GABRG3: variants seen among roughly 807,000 people sequenced by gnomAD.
GABRG3 encodes the protein gamma-aminobutyric acid receptor subunit gamma-3.
A neutral mutation model predicts 48.8 loss-of-function variants in GABRG3; 25 were observed. That is an observed-to-expected ratio of 0.51 (90% CI 0.37 to 0.72). GABRG3 has a LOEUF of 0.72. Ranked by LOEUF, GABRG3 falls within the 30% of genes least tolerant of loss-of-function variation. The pLI is 0.00. For synonymous variants in GABRG3, 227 were observed against 217.6 expected, an observed-to-expected ratio of 1.04 and a Z score of -0.38; for missense variants, 394 against 577.9, an observed-to-expected ratio of 0.68 and a Z score of 3.26.
At chr15:27,436,864 C>T (rs537679064) in intron 5 of GABRG3, among the ~76,000 whole-genome samples, 11 of 152,088 alleles carry the variant, frequency 7.2e-5, no homozygotes, top group Admixed American at 2.6e-4. Context: ...GGCTTGGTGG[C>T]GTACACCTGT....
At chr15:27,532,509 A>T in intron 9 of GABRG3, 91 bp from the exon 10 acceptor site, 2 of 1,231,910 alleles carry the variant, frequency 1.6e-6, no homozygotes, top group East Asian at 2.5e-5. Flanking sequence ...TCTATAGGAG[A>T]CAGATGTAAT....
In GABRG3 at chr15:27,276,780, T is replaced by C. The variant is rs914875151; in HGVS notation, c.271-50029T>C. On this transcript the variant is annotated intron_variant, in intron 3 of 9. Coordinates refer to ENST00000615808, the MANE Select transcript of GABRG3 (RefSeq NM_033223.5). The stretch of plus-strand genomic sequence containing the variant: ...ATGCATTAAAGGGTAAGGAAAACAT[T>C]TGGACAAAGCAAAGTCGAAGCAGGC... Among the ~76,000 whole-genome samples the C allele has an allele frequency of 3.3e-5, 5 of 152,228 alleles. No homozygotes were observed. The South Asian group carries it at 6.2e-4, about 19-fold the overall frequency.
At chr15:27,424,160 C>T (rs1888218397) in intron 5 of GABRG3, among the ~76,000 whole-genome samples, 1 of 152,098 alleles carries the variant, frequency 6.6e-6, no homozygotes, top group South Asian at 2.1e-4. Context: ...CCCTGGGCCA[C>T]TTCAGCTAGT....
chr15:27,518,711 G>A (rs1034473902), intron 6 of GABRG3, among the ~76,000 whole-genome samples: 3 of 152,116 alleles, frequency 2.0e-5, no homozygotes, highest in African/African-American at 7.2e-5. Flanking sequence ...TGAGGCCCTG[G>A]GTAGACAAGA....
chr15:27,117,524 A>G (rs1897662331), intron 3 of GABRG3, among the ~76,000 whole-genome samples: 1 of 152,184 alleles, frequency 6.6e-6, no homozygotes. Context: ...GAGCACTTGA[A>G]TTGAAACAAA....
At chr15:27,479,934 T>C (rs1231032543) in intron 5 of GABRG3, among the ~76,000 whole-genome samples, 2 of 152,108 alleles carry the variant, frequency 1.3e-5, no homozygotes, top group Non-Finnish European at 2.9e-5. Context: ...CAGTTGCAGG[T>C]AGAAAAGCAG....
At chr15:27,017,760 G>A (rs551690658) in intron 2 of GABRG3, among the ~76,000 whole-genome samples, 4 of 152,316 alleles carry the variant, frequency 2.6e-5, no homozygotes, top group Admixed American at 6.5e-5. Flanking sequence ...CCTCTGAATT[G>A]TATTCTAGAT....
chr15:27,027,656 A>G (rs531101194), intron 3 of GABRG3, among the ~76,000 whole-genome samples: 1 of 152,342 alleles, frequency 6.6e-6, no homozygotes, highest in Non-Finnish European at 1.5e-5. Context: ...TAAGGGTTCC[A>G]TGCAGGGGTA....
At chr15:27,454,368 G>A (rs1223203750) in intron 5 of GABRG3, among the ~76,000 whole-genome samples, 1 of 152,176 alleles carries the variant, frequency 6.6e-6, no homozygotes, top group African/African-American at 2.4e-5. Context: ...TTACAAGGCT[G>A]TCCTGGGAGA....
At chr15:27,379,189 A>G (rs551000862) in intron 5 of GABRG3, among the ~76,000 whole-genome samples, 107 of 152,276 alleles carry the variant, frequency 7.0e-4, no homozygotes, top group African/African-American at 2.5e-3. Context: ...ATAAGATTCC[A>G]TTTTTTAATT....
intron 5 of GABRG3, among the ~76,000 whole-genome samples, chr15:27,470,324 A>G (rs781552864): frequency 6.6e-6 from 1 of 151,222 alleles, no homozygotes; most frequent in Non-Finnish European, 1.5e-5. Context: ...CCTGGGTTCA[A>G]GCAGTTCTTC....
chr15:27,515,012 A>G (rs566183416), intron 6 of GABRG3, among the ~76,000 whole-genome samples: 1 of 152,360 alleles, frequency 6.6e-6, no homozygotes, highest in South Asian at 2.1e-4. Flanking sequence ...CACAAATGGT[A>G]TGAATGGTAA....
chr15:27,502,144 A>T (rs1476777976), intron 6 of GABRG3, among the ~76,000 whole-genome samples: 1 of 152,242 alleles, frequency 6.6e-6, no homozygotes, highest in African/African-American at 2.4e-5. Flanking sequence ...AGCTAATCAA[A>T]TTTAACATGA....
chr15:27,486,435 G>C (rs984214145), intron 6 of GABRG3, among the ~76,000 whole-genome samples: 5 of 152,204 alleles, frequency 3.3e-5, no homozygotes, highest in African/African-American at 1.2e-4. Context: ...ACGTGTAGAA[G>C]CTTCTGTAAG....
intron 3 of GABRG3, among the ~76,000 whole-genome samples, chr15:27,145,345 T>C (rs1232912032): frequency 6.6e-6 from 1 of 150,872 alleles, no homozygotes; most frequent in Non-Finnish European, 1.5e-5. Flanking sequence ...AAAAAAAAAA[T>C]AGAGCATATA....
intron 3 of GABRG3, among the ~76,000 whole-genome samples, chr15:27,070,451 C>T (rs989918442): frequency 6.6e-6 from 1 of 152,142 alleles, no homozygotes; most frequent in East Asian, 1.9e-4. Context: ...CTGCACTCCA[C>T]GTATGAGTGA....
chr15:27,247,239 C>T (rs1890296946), intron 3 of GABRG3, among the ~76,000 whole-genome samples: 1 of 152,024 alleles, frequency 6.6e-6, no homozygotes, highest in African/African-American at 2.4e-5. Flanking sequence ...CCTGCCTTGC[C>T]CACTCATCTT....
At chr15:27,500,518 A>T (rs73369544) in intron 6 of GABRG3, among the ~76,000 whole-genome samples, 5,785 of 152,298 alleles carry the variant, frequency 0.038, 363 homozygotes, top group African/African-American at 0.13. Flanking sequence ...GAGGTGAGGA[A>T]TGGATCTGTG....
intron 3 of GABRG3, among the ~76,000 whole-genome samples, chr15:27,033,867 G>A (rs10519582): frequency 0.17 from 25,530 of 152,078 alleles, 2,291 homozygotes; most frequent in South Asian, 0.2. Context: ...TCTTGCTATT[G>A]TATTACAACC....
Sources: allele counts gnomAD v4.1 joint callset (sites outside exome capture counted in the v4.1 genomes callset), GRCh38; gene constraint gnomAD v4.1.1; transcripts MANE v1.5; gene names NCBI Gene and HGNC (gene_info 2026-07-23, HGNC 2026-07-21).